SLC4A10: variants seen among roughly 807,000 people sequenced by gnomAD.
SLC4A10 encodes the protein sodium-driven chloride bicarbonate exchanger.
In SLC4A10, 42 loss-of-function variants were observed where a neutral mutation model predicts 137.7. That is an observed-to-expected ratio of 0.30 (90% CI 0.24 to 0.39). The LOEUF (loss-of-function observed/expected upper bound fraction) is 0.39, where lower values mean the gene tolerates loss of function less well. Ranked by LOEUF, SLC4A10 falls within the 10% of genes least tolerant of loss-of-function variation. SLC4A10 has a pLI of 1.00. For synonymous variants in SLC4A10, 474 were observed against 464.1 expected (o/e 1.02, Z -0.27); for missense variants, 925 against 1,355.0 (o/e 0.68, Z 4.98).
intron 18 of SLC4A10, among the ~76,000 whole-genome samples, chr2:161,949,762 G>A (rs904759147): frequency 2.0e-5 from 3 of 151,424 alleles, no homozygotes; most frequent in Non-Finnish European, 2.9e-5. Context: ...AATGAGATAT[G>A]TTTGGGGTGG....
At chr2:161,709,930 A>G (rs547346983) in intron 1 of SLC4A10, 1 of 151,710 alleles carries the variant, frequency 6.6e-6, no homozygotes, top group East Asian at 1.9e-4. Context: ...AATATATTGC[A>G]GCAGTTCTCA....
intron 26 of SLC4A10, among the ~76,000 whole-genome samples, chr2:161,982,034 A>G (rs905011505): frequency 6.6e-6 from 1 of 152,226 alleles, no homozygotes; most frequent in Non-Finnish European, 1.5e-5. Context: ...CCACTTAGAA[A>G]GTTGTACAGG....
chr2:161,888,275 G>A (rs2062530227), intron 10 of SLC4A10, among the ~76,000 whole-genome samples: 1 of 152,126 alleles, frequency 6.6e-6, no homozygotes, highest in South Asian at 2.1e-4. Flanking sequence ...GGCCATACAG[G>A]CTCTATTTTT....
intron 1 of SLC4A10, among the ~76,000 whole-genome samples, chr2:161,726,155 C>T (rs1234253437): frequency 6.6e-6 from 1 of 152,014 alleles, no homozygotes; most frequent in Non-Finnish European, 1.5e-5. Flanking sequence ...ATTTCTGAAG[C>T]TCATTGAGGG....
At chr2:161,819,899 C>T (rs2057472983) in intron 3 of SLC4A10, among the ~76,000 whole-genome samples, 1 of 152,130 alleles carries the variant, frequency 6.6e-6, no homozygotes, top group Non-Finnish European at 1.5e-5. Context: ...AAGTTTGAAG[C>T]ATAAGCTTGA....
intron 4 of SLC4A10, among the ~76,000 whole-genome samples, chr2:161,842,293 T>G (rs2059233120): frequency 6.6e-6 from 1 of 152,178 alleles, no homozygotes; most frequent in African/African-American, 2.4e-5. Context: ...AATTTACACT[T>G]CTATCAACAG....
chr2:161,662,392 A>AT lies in SLC4A10; in HGVS notation c.48+37835dup, dbSNP rs563864587. ...AGTTTTCTCTCTAAGGAGATGCAGG[A>AT]TTTTTTTTTAAAAACTGTCTTCCAG... On this transcript the variant is annotated intron_variant, in intron 1 of 26. Transcript: ENST00000446997. Among the ~76,000 whole-genome samples, 560 of 151,804 alleles carry AT rather than the reference A, an allele frequency of 3.7e-3. 3 individuals are homozygous for AT. Among genetic ancestry groups the AT allele is most frequent in the Non-Finnish European group, 5.7e-3 (385 of 67,832 alleles).
intron 23 of SLC4A10, among the ~76,000 whole-genome samples, chr2:161,970,739 T>C (rs1287632399): frequency 6.6e-6 from 1 of 152,230 alleles, no homozygotes; most frequent in Non-Finnish European, 1.5e-5. Context: ...AGGATAACTA[T>C]CTTTGTTATT....
intron 15 of SLC4A10, among the ~76,000 whole-genome samples, chr2:161,922,536 G>A (rs562623414): frequency 2.6e-5 from 4 of 152,050 alleles, no homozygotes; most frequent in Non-Finnish European, 4.4e-5. Flanking sequence ...TAATGGTTCT[G>A]AAGGGTAATG....
At chr2:161,766,574 C>T (rs763628659) in intron 1 of SLC4A10, among the ~76,000 whole-genome samples, 8 of 152,098 alleles carry the variant, frequency 5.3e-5, no homozygotes, top group Non-Finnish European at 1.0e-4. Flanking sequence ...TTCTGCCTAA[C>T]AGCACCTCAG....
At position 161,950,926 on chromosome 2, in the gene SLC4A10, T is replaced by C; in HGVS notation, c.2541+78T>C. The C allele has an allele frequency of 4.4e-6, 5 of 1,147,620 alleles. No individual in the cohort carries two copies. In the South Asian group the frequency reaches 8.1e-5, roughly 19 times the overall value. The allele number at this position is 1,147,620 out of a possible 1,614,324, so 71.1% of individuals were successfully genotyped here. A position where few individuals can be genotyped will look rare whatever the true frequency, so the allele number is the denominator to read the frequency against. ...TGATGTTCATTTGACTTCTATATTC[T>C]GTATTCATTTGCACAGTGAAATATA... On this transcript the variant is annotated intron_variant, in intron 19 of 26. Coordinates refer to ENST00000446997, the MANE Select transcript of SLC4A10 (RefSeq NM_001178015.2).
At chr2:161,920,402 A>G (rs1023800651) in intron 15 of SLC4A10, among the ~76,000 whole-genome samples, 4 of 152,238 alleles carry the variant, frequency 2.6e-5, no homozygotes, top group African/African-American at 9.6e-5. Flanking sequence ...CTCAAGAAAA[A>G]AAAAGTAGGA....
intron 1 of SLC4A10, among the ~76,000 whole-genome samples, chr2:161,708,032 T>C (rs990005290): frequency 3.3e-5 from 5 of 151,070 alleles, no homozygotes; most frequent in Admixed American, 1.3e-4. Flanking sequence ...TGTTAAACTT[T>C]TTAGAAGAAG....
intron 4 of SLC4A10, among the ~76,000 whole-genome samples, chr2:161,842,621 G>A (rs1443924872): frequency 1.3e-5 from 2 of 151,862 alleles, no homozygotes; most frequent in Non-Finnish European, 2.9e-5. Context: ...TCCTCATGAT[G>A]TTTTGTATTG....
In SLC4A10 at chr2:161,753,030, G is replaced by T. The variant is rs2049160644; in HGVS notation, c.49-17943G>T. On this transcript the variant is annotated intron_variant, in intron 1 of 26. Coordinates refer to ENST00000446997, the MANE Select transcript of SLC4A10 (RefSeq NM_001178015.2). ...GCTATAAATATATACAATTATATTT[G>T]TCACTTAAATAAATAAAATAAAATT... 2.0e-5 allele frequency among the ~76,000 whole-genome samples: 3 copies of T among 151,920 alleles called. 1 individual carries two copies. Among genetic ancestry groups the T allele is most frequent in the Admixed American group, 2.0e-4 (3 of 15,236 alleles).
chr2:161,928,951 C>T (rs1049669037), intron 15 of SLC4A10, among the ~76,000 whole-genome samples: 1 of 152,224 alleles, frequency 6.6e-6, no homozygotes. Context: ...CTTTCTCCCT[C>T]GTTATGTTAC....
intron 2 of SLC4A10, among the ~76,000 whole-genome samples, chr2:161,794,925 G>A (rs35638587): frequency 2.9e-4 from 44 of 151,886 alleles, no homozygotes; most frequent in Middle Eastern, 3.4e-3. Flanking sequence ...GTTATCTACC[G>A]TAGAGTGTAA....
At chr2:161,820,292 T>C (rs575075708) in intron 3 of SLC4A10, among the ~76,000 whole-genome samples, 20 of 152,204 alleles carry the variant, frequency 1.3e-4, no homozygotes, top group Non-Finnish European at 2.5e-4. Context: ...TATATGAGAA[T>C]ATCAAGGTGT....
intron 2 of SLC4A10, among the ~76,000 whole-genome samples, chr2:161,795,493 A>T (rs965590599): frequency 5.9e-5 from 9 of 152,154 alleles, no homozygotes; most frequent in African/African-American, 2.2e-4. Flanking sequence ...TCAAAGCCAC[A>T]GATATATCTA....
Sources: gnomAD v4.1 joint callset for allele counts (sites outside exome capture counted in the v4.1 genomes callset) on GRCh38, gnomAD v4.1.1 for gene constraint, MANE v1.5 for transcripts, NCBI Gene and HGNC (gene_info 2026-07-23, HGNC 2026-07-21) for gene names.